Variants in FAM114A2 observed in about 807,000 individuals in gnomAD.
The protein encoded by FAM114A2 is protein FAM114A2.
A neutral mutation model predicts 58.4 loss-of-function variants in FAM114A2; 53 were observed. The observed-to-expected ratio is 0.91, with a 90% CI of 0.73 to 1.14. FAM114A2 has a LOEUF of 1.14. FAM114A2 is among the 50% of genes most tolerant of loss of function. The pLI, the probability that FAM114A2 is intolerant of heterozygous loss-of-function variation, is 0.00. For synonymous variants in FAM114A2, 228 were observed against 211.4 expected, an observed-to-expected ratio of 1.08 and a Z score of -0.68; for missense variants, 601 against 581.1, an observed-to-expected ratio of 1.03 and a Z score of -0.35.
intron 8 of FAM114A2, among the ~76,000 whole-genome samples, chr5:154,019,357 C>T (rs1005373080): frequency 6.6e-6 from 1 of 152,076 alleles, no homozygotes; most frequent in African/African-American, 2.4e-5. Context: ...AGGAAAACTA[C>T]AAAACACTGC....
intron 9 of FAM114A2, among the ~76,000 whole-genome samples, chr5:154,008,354 C>T (rs1012191470): frequency 1.3e-5 from 2 of 151,996 alleles, no homozygotes; most frequent in Non-Finnish European, 2.9e-5. Flanking sequence ...ATAAAATTAA[C>T]ACATAGGGCA....
intron 8 of FAM114A2, among the ~76,000 whole-genome samples, chr5:154,021,902 G>A (rs1292133063): frequency 6.6e-6 from 1 of 152,092 alleles, no homozygotes; most frequent in Non-Finnish European, 1.5e-5. Flanking sequence ...TATACTACAA[G>A]GCCACAGTAA....
intron 1 of FAM114A2, chr5:154,038,307 G>C (rs1236768220): frequency 6.6e-6 from 1 of 152,214 alleles, no homozygotes. Flanking sequence ...ATGAAGAGCA[G>C]TACAGCTTAG....
chr5:154,000,144 C>G (rs1172780488), intron 11 of FAM114A2, among the ~76,000 whole-genome samples: 2 of 152,066 alleles, frequency 1.3e-5, no homozygotes. Context: ...GCTAAAAAAA[C>G]ATGATCTTAC....
At chr5:154,031,467 C>G (rs1195981945) in intron 4 of FAM114A2, among the ~76,000 whole-genome samples, 1 of 152,084 alleles carries the variant, frequency 6.6e-6, no homozygotes, top group Non-Finnish European at 1.5e-5. Context: ...CTATGCTTAT[C>G]TCAAAATTCT....
At chr5:154,014,377 A>C (rs1022930501) in intron 8 of FAM114A2, among the ~76,000 whole-genome samples, 9 of 152,192 alleles carry the variant, frequency 5.9e-5, no homozygotes, top group African/African-American at 2.2e-4. Context: ...CTGCTCCAGA[A>C]TGACTACAGG....
chr5:153,998,016 T>TC (rs1336060981), intron 11 of FAM114A2, 141 bp from the exon 12 acceptor site: 8 of 523,026 alleles, frequency 1.5e-5, no homozygotes, highest in Admixed American at 3.5e-5. Flanking sequence ...AAATACAGTA[T>TC]CCCCCCCTTA....
At chr5:154,013,001 T>C (rs2113334269) in intron 8 of FAM114A2, among the ~76,000 whole-genome samples, 1 of 151,358 alleles carries the variant, frequency 6.6e-6, no homozygotes, top group Non-Finnish European at 1.5e-5. Context: ...ATATAATTTA[T>C]ATAATTTACA....
Position 154,025,569 on chromosome 5 carries a change from TTTAACCTAC to T in FAM114A2, c.913+821_913+829del, listed in dbSNP as rs748237710. 3.2e-4 allele frequency among the ~76,000 whole-genome samples: 48 copies of T among 152,324 alleles called. 1 individual carries two copies. Among genetic ancestry groups the T allele is most frequent in the Non-Finnish European group, 5.7e-4 (39 of 68,012 alleles). ...CAGACCACACTTTGTTCATCACTGA[TTTAACCTAC>T]TACATGGGTGATTGGCCCTATGTCT... is the stretch of plus-strand genomic sequence containing the variant. On this transcript the variant is annotated intron_variant, in intron 8 of 13. Transcript: ENST00000351797.
At chr5:154,025,684 T>G (rs902703827) in intron 8 of FAM114A2, among the ~76,000 whole-genome samples, 3 of 152,186 alleles carry the variant, frequency 2.0e-5, no homozygotes. Flanking sequence ...AAAACTGTAT[T>G]CATTAGATTC....
In FAM114A2 at chr5:153,997,867, A is replaced by G. The variant is rs1769685810; in HGVS notation, c.1265T>C (p.Ile422Thr). The change falls in exon 12 of 14, where the codon ATT becomes ACT. Residue 422 changes from isoleucine (I) to threonine (T), a missense_variant. Transcript: ENST00000351797. ...ERSQTLSQMT[I>T]VLCKELSSLS... is the part of the protein sequence containing the mutation. ...AGAGGACAACTCTTTACACAACACAATTGTCATCCTAGGAAAGAAAGGAAA... is the reference window on the plus strand; with the variant it reads ...AGAGGACAACTCTTTACACAACACAGTTGTCATCCTAGGAAAGAAAGGAAA... 6.3e-7 allele frequency: 1 copy of G among 1,589,530 alleles called. No individual in the cohort carries two copies. The highest frequency in any genetic ancestry group is 8.6e-7 in the Non-Finnish European group (1 of 1,161,674).
intron 9 of FAM114A2, 125 bp downstream of exon 9, chr5:154,011,116 G>T: frequency 1.5e-6 from 1 of 683,820 alleles, no homozygotes. Flanking sequence ...ACCCAATTCT[G>T]GGTATAACGA....
At position 154,020,701 on chromosome 5, in the gene FAM114A2, G is replaced by A. The variant is rs547422937; in HGVS notation, c.913+5698C>T. ...TCCAGGATCAGATGGATTCACAGCC[G>A]AATTCTAGCAAAGGGACAAAGAGGA... On this transcript the variant is annotated intron_variant, in intron 8 of 13. Transcript: ENST00000351797. Among the ~76,000 whole-genome samples the A allele has an allele frequency of 8.9e-4, 136 of 152,180 alleles. 1 individual carries two copies. Among genetic ancestry groups the A allele is most frequent in the South Asian group, 6.2e-3 (30 of 4,816 alleles).
At chr5:154,029,360 A>T (rs1772023045) in intron 5 of FAM114A2, 129 bp downstream of exon 5, 2 of 590,160 alleles carry the variant, frequency 3.4e-6, no homozygotes, top group Non-Finnish European at 6.0e-6. Flanking sequence ...AAAGTGACCG[A>T]TCTTCAGTGG....
rs77858407 is a variant in FAM114A2 at position 154,007,428 on chromosome 5, C to T, written c.993+3813G>A. Among the ~76,000 whole-genome samples the T allele has an allele frequency of 5.6e-3, 851 of 152,206 alleles. 9 individuals are homozygous for T. Among genetic ancestry groups the T allele is most frequent in the African/African-American group, 0.019 (807 of 41,530 alleles). ...AATCAGAATCACAGAATCATATTCC[C>T]GGACTCCTAATTCAGTGCTCTTTCC... On this transcript the variant is annotated intron_variant, in intron 9 of 13. Coordinates refer to ENST00000351797, the MANE Select transcript of FAM114A2 (RefSeq NM_018691.4).
In FAM114A2 at chr5:154,034,289, A is replaced by G; in HGVS notation, c.299T>C (p.Val100Ala). 6.3e-7 allele frequency: 1 copy of G among 1,580,622 alleles called. No homozygotes were observed. The highest frequency in any genetic ancestry group is 8.6e-7 in the Non-Finnish European group (1 of 1,161,578). ...ACTGATGATCTTACCTACTGTAGCTACTGTAGCCGAGGCTGAGGAGAGTAT... is the reference window on the plus strand; with the variant it reads ...ACTGATGATCTTACCTACTGTAGCTGCTGTAGCCGAGGCTGAGGAGAGTAT... ...KSILSSASAT[V>A]ATVGQGISNV... Residue 100 changes from valine (V) to alanine (A), a missense_variant, in exon 3 of 14, where the codon GTA becomes GCA. Physicochemically the swap from Val to Ala is moderately conservative, Grantham distance 64. Transcript: ENST00000351797.
At chr5:154,029,665 A>T (rs532186234) in intron 4 of FAM114A2, 85 bp from the exon 5 acceptor site, 30 of 700,698 alleles carry the variant, frequency 4.3e-5, no homozygotes, top group Admixed American at 1.0e-4. Context: ...ATTTTTTAAA[A>T]CTAGACCCTG....
chr5:154,028,369 A>T, intron 5 of FAM114A2, 86 bp from the exon 6 acceptor site: 1 of 914,880 alleles, frequency 1.1e-6, no homozygotes, highest in Non-Finnish European at 1.6e-6. Flanking sequence ...ATATAAAAAT[A>T]GTGGCTAACA....
chr5:153,997,869 T>G lies in FAM114A2; in HGVS notation c.1263A>C (p.Thr421=), dbSNP rs763213569. 5.7e-6 allele frequency: 9 copies of G among 1,588,260 alleles called. No individual in the cohort carries two copies. Among genetic ancestry groups the G allele is most frequent in the Non-Finnish European group, 6.9e-6 (8 of 1,161,444 alleles). ...AGGACAACTCTTTACACAACACAATTGTCATCCTAGGAAAGAAAGGAAAAG... is the reference window on the plus strand; with the variant it reads ...AGGACAACTCTTTACACAACACAATGGTCATCCTAGGAAAGAAAGGAAAAG... ...IERSQTLSQM[T]IVLCKELSSL... is the part of the protein sequence containing the mutation. The change falls in exon 12 of 14, where the codon ACA becomes ACC. Residue 421 remains threonine, a synonymous_variant. Transcript: ENST00000351797.
Sources: gnomAD v4.1 joint callset for allele counts (sites outside exome capture counted in the v4.1 genomes callset) on GRCh38, gnomAD v4.1.1 for gene constraint, MANE v1.5 for transcripts, NCBI Gene and HGNC (gene_info 2026-07-23, HGNC 2026-07-21) for gene names.